The following ALK variants were observed in gnomAD, a reference collection of about 807,000 sequenced individuals.
ALK encodes the protein ALK receptor tyrosine kinase.
Under a neutral mutation model 163.1 loss-of-function variants are expected in ALK, and 74 were observed. That is an observed-to-expected ratio of 0.45 (90% confidence interval 0.38 to 0.55). The LOEUF is 0.55. Among genes scored for constraint, ALK ranks in the 20% least tolerant of loss-of-function variants. The pLI, the probability that ALK is intolerant of heterozygous loss-of-function variation, is 0.00. For missense variants in ALK, 2,063 were observed against 2,105.3 expected, an observed-to-expected ratio of 0.98 and a Z score of 0.39; for synonymous variants, 960 against 843.2, an observed-to-expected ratio of 1.14 and a Z score of -2.40.
chr2:29,648,663 A>T (rs1183372971), intron 3 of ALK, among the ~76,000 whole-genome samples: 1 of 152,064 alleles, frequency 6.6e-6, no homozygotes, highest in African/African-American at 2.4e-5. Flanking sequence ...AGCCTCACTC[A>T]TGTGGTAGCA....
intron 1 of ALK, among the ~76,000 whole-genome samples, chr2:29,734,511 C>A (rs2148320030): frequency 6.6e-6 from 1 of 152,260 alleles, no homozygotes; most frequent in South Asian, 2.1e-4. Flanking sequence ...AGGAATAAGA[C>A]ATGGTCAGTC....
chr2:29,679,648 T>A lies in ALK; in HGVS notation c.952+15202A>T, dbSNP rs185128688. On this transcript the variant is annotated intron_variant, in intron 3 of 28. Transcript: ENST00000389048. The stretch of plus-strand genomic sequence containing the variant: ...GTGCTGTTATTGTCCTATATACATC[T>A]ATATATGTTATCAACCCAACAATAT... 5.9e-5 allele frequency among the ~76,000 whole-genome samples: 9 copies of A among 152,130 alleles called. No homozygotes were observed. The East Asian group carries it at 1.7e-3, about 29-fold the overall frequency.
intron 3 of ALK, among the ~76,000 whole-genome samples, chr2:29,600,147 C>G (rs1675342238): frequency 6.6e-6 from 1 of 152,116 alleles, no homozygotes; most frequent in Non-Finnish European, 1.5e-5. Flanking sequence ...AGGGCTAAGA[C>G]CCCCCAAGAC....
rs76343130 is a variant in ALK, at chr2:29,209,542, CA to C, written c.3836+243del. On this transcript the variant is annotated intron_variant, in intron 25 of 28. Transcript: ENST00000389048. ...GGGCAACAAGAGCGAAACTCCGTCT[CA>C]AAAAAAAAAAAAAAAAAAAAGCTTG... Among the ~76,000 whole-genome samples, 24,394 of 79,616 alleles carry C rather than the reference CA, an allele frequency of 0.31. 1,796 individuals are homozygous for C. Among genetic ancestry groups the C allele is most frequent in the East Asian group, 0.62 (1,758 of 2,852 alleles). The allele number at this position is 79,616 out of a possible 152,430, so 52.2% of individuals were successfully genotyped here.
intron 3 of ALK, among the ~76,000 whole-genome samples, chr2:29,587,486 C>G (rs754604216): frequency 6.6e-6 from 1 of 152,220 alleles, no homozygotes; most frequent in Non-Finnish European, 1.5e-5. Context: ...GTTTTCCCCC[C>G]TGAGGTGAAC....
chr2:29,260,824 A>G (rs182980084), intron 11 of ALK, among the ~76,000 whole-genome samples: 141 of 147,396 alleles, frequency 9.6e-4, no homozygotes, highest in Non-Finnish European at 1.7e-3. Flanking sequence ...ACAGAGGGAG[A>G]CTCTGCCTCA....
chr2:29,392,979 A>AGTTCAAGGTGACTGAAT (rs1669213553), intron 4 of ALK, among the ~76,000 whole-genome samples: 1 of 151,506 alleles, frequency 6.6e-6, no homozygotes, highest in Admixed American at 6.6e-5. Flanking sequence ...GATCACTCAA[A>AGTTCAAGGTGACTGAAT]GTTCAAGGTC....
At chr2:29,751,353 C>T (rs562905684) in intron 1 of ALK, among the ~76,000 whole-genome samples, 7 of 152,202 alleles carry the variant, frequency 4.6e-5, no homozygotes, top group South Asian at 4.2e-4. Context: ...GACTTCAGCA[C>T]GCGATAGGAA....
At chr2:29,847,144 C>T (rs1220670123) in intron 1 of ALK, among the ~76,000 whole-genome samples, 2 of 152,158 alleles carry the variant, frequency 1.3e-5, no homozygotes, top group Non-Finnish European at 2.9e-5. Flanking sequence ...AAGCCGTGTT[C>T]CCAGGGGCTC....
rs190396623 is a variant in ALK, at chr2:29,312,373, C to G, written c.1647+5931G>C. ...AAGCCGAGAACAGTGGGTCGCTATACTCAAGGTCTCCAGGCTAGAAAGTGG... is the reference window on the plus strand; with the variant it reads ...AAGCCGAGAACAGTGGGTCGCTATAGTCAAGGTCTCCAGGCTAGAAAGTGG... On this transcript the variant is annotated intron_variant, in intron 8 of 28. Transcript: ENST00000389048. Among the ~76,000 whole-genome samples the G allele has an allele frequency of 2.9e-3, 448 of 152,000 alleles. 5 individuals are homozygous for G. Among genetic ancestry groups the G allele is most frequent in the South Asian group, 0.02 (94 of 4,818 alleles).
chr2:29,530,947 G>A (rs1673103806), intron 4 of ALK, among the ~76,000 whole-genome samples: 2 of 152,206 alleles, frequency 1.3e-5, no homozygotes, highest in African/African-American at 2.4e-5. Flanking sequence ...AAATACAGAT[G>A]GGTTAATGGC....
intron 2 of ALK, among the ~76,000 whole-genome samples, chr2:29,701,797 C>G (rs1434621502): frequency 2.0e-5 from 3 of 152,136 alleles, no homozygotes; most frequent in African/African-American, 4.8e-5. Context: ...GGATTCTTAT[C>G]TCCATTCAAC....
chr2:29,706,818 T>A (rs1352530117), intron 2 of ALK, among the ~76,000 whole-genome samples: 1 of 152,164 alleles, frequency 6.6e-6, no homozygotes, highest in Non-Finnish European at 1.5e-5. Flanking sequence ...AGCTTCTTCA[T>A]TTTATAGATG....
At chr2:29,688,608 T>C (rs1241897593) in intron 3 of ALK, among the ~76,000 whole-genome samples, 1 of 152,158 alleles carries the variant, frequency 6.6e-6, no homozygotes, top group Non-Finnish European at 1.5e-5. Flanking sequence ...AGCTGCAGCC[T>C]GTGAATACCT....
In ALK at chr2:29,203,867, T is replaced by A. The variant is rs1669248490; in HGVS notation, c.3938+3304A>T. The stretch of plus-strand genomic sequence containing the variant: ...AATTTATGTCCTGTGCTAGGAAATC[T>A]TGAATGATTGCTCTGCTGTCTTTAT... On this transcript the variant is annotated intron_variant, in intron 26 of 28. Coordinates refer to ENST00000389048, the MANE Select transcript of ALK (RefSeq NM_004304.5). Among the ~76,000 whole-genome samples the A allele has an allele frequency of 2.0e-5, 3 of 152,118 alleles. No individual in the cohort carries two copies. The South Asian group carries it at 6.2e-4, about 32-fold the overall frequency.
Position 29,408,096 on chromosome 2 carries a change from T to C in ALK, c.1155-24237A>G, listed in dbSNP as rs536051655. 2.5e-4 allele frequency among the ~76,000 whole-genome samples: 37 copies of C among 148,392 alleles called. No homozygotes were observed. In the South Asian group the frequency reaches 6.9e-3, roughly 28 times the overall value. The stretch of plus-strand genomic sequence containing the variant: ...AGGGAAAGTTCTTTTTCTTTTTTTT[T>C]TTTTGAGATGGAGTCTCGCTCTGTC... On this transcript the variant is annotated intron_variant, in intron 4 of 28. Coordinates refer to ENST00000389048, the MANE Select transcript of ALK (RefSeq NM_004304.5).
intron 11 of ALK, among the ~76,000 whole-genome samples, chr2:29,270,152 C>A (rs1261877695): frequency 6.6e-6 from 1 of 151,796 alleles, no homozygotes; most frequent in Non-Finnish European, 1.5e-5. Context: ...AAGAGAGATC[C>A]CTCTCGAAGA....
At chr2:29,266,403 G>A (rs1468584216) in intron 11 of ALK, among the ~76,000 whole-genome samples, 1 of 152,210 alleles carries the variant, frequency 6.6e-6, no homozygotes, top group Admixed American at 6.5e-5. Flanking sequence ...ATAGAAGGAG[G>A]TGGACTGTAA....
chr2:29,336,866 C>T (rs1343477747), intron 5 of ALK, among the ~76,000 whole-genome samples: 9 of 152,098 alleles, frequency 5.9e-5, no homozygotes, highest in Admixed American at 5.9e-4. Context: ...TAATGACACT[C>T]GTTAAAGGAG....
Sources: gnomAD v4.1 joint callset for allele counts (sites outside exome capture counted in the v4.1 genomes callset) on GRCh38, gnomAD v4.1.1 for gene constraint, MANE v1.5 for transcripts, NCBI Gene and HGNC (gene_info 2026-07-23, HGNC 2026-07-21) for gene names.